The following SGCD variants were observed in gnomAD, a reference collection of about 807,000 sequenced individuals.
SGCD encodes delta-sarcoglycan.
In SGCD, 18 loss-of-function variants were observed where a neutral mutation model predicts 36.6. The observed-to-expected ratio is 0.49, with a 90% CI of 0.34 to 0.73. The LOEUF (loss-of-function observed/expected upper bound fraction) is 0.73. SGCD is among the 30% of genes least tolerant of loss of function. The pLI, the probability that SGCD is intolerant of heterozygous loss-of-function variation, is 0.01. For synonymous variants in SGCD, 133 were observed against 130.6 expected, an observed-to-expected ratio of 1.02 and a Z score of -0.12; for missense variants, 387 against 346.7, an observed-to-expected ratio of 1.12 and a Z score of -0.92.
intron 3 of SGCD, among the ~76,000 whole-genome samples, chr5:156,128,819 CCA>C (rs563177033): frequency 1.3e-5 from 2 of 152,092 alleles, no homozygotes; most frequent in Non-Finnish European, 2.9e-5. Context: ...TATAAATTAC[CCA>C]GTCTCAGGTA....
the SGCD span, among the ~76,000 whole-genome samples, chr5:155,731,962 T>G: frequency 6.6e-6 from 1 of 152,230 alleles, no homozygotes; most frequent in Non-Finnish European, 1.5e-5. Flanking sequence ...CTCTCTCTTA[T>G]GCTATTCTCT....
intron 3 of SGCD, among the ~76,000 whole-genome samples, chr5:156,234,543 A>G (rs1765107429): frequency 6.6e-6 from 1 of 152,210 alleles, no homozygotes; most frequent in South Asian, 2.1e-4. Flanking sequence ...AAGTGAAAAC[A>G]TGATTTTGTT....
At chr5:156,429,314 A>G (rs900121521) in intron 3 of SGCD, among the ~76,000 whole-genome samples, 1 of 119,684 alleles carries the variant, frequency 8.4e-6, no homozygotes, top group Non-Finnish European at 1.7e-5. Context: ...GTTTTGTCTG[A>G]TCTAAAAATA....
intron 3 of SGCD, among the ~76,000 whole-genome samples, chr5:156,494,935 G>A (rs924918623): frequency 3.3e-5 from 5 of 152,102 alleles, no homozygotes; most frequent in Middle Eastern, 3.2e-3. Flanking sequence ...CCAGTCTTAA[G>A]TATATCCTAC....
intron 1 of SGCD, among the ~76,000 whole-genome samples, chr5:156,003,461 G>C (rs908982291): frequency 6.6e-6 from 1 of 152,148 alleles, no homozygotes; most frequent in Non-Finnish European, 1.5e-5. Flanking sequence ...ATTTTCAAAT[G>C]CTTTCTCACT....
At chr5:155,902,684 T>A (rs939362153) in intron 1 of SGCD, among the ~76,000 whole-genome samples, 4 of 152,206 alleles carry the variant, frequency 2.6e-5, no homozygotes, top group African/African-American at 9.6e-5. Context: ...TTGTACCCAA[T>A]GGGACTATTA....
At chr5:156,239,987 G>A (rs922160858) in intron 3 of SGCD, among the ~76,000 whole-genome samples, 1 of 152,174 alleles carries the variant, frequency 6.6e-6, no homozygotes, top group African/African-American at 2.4e-5. Context: ...AAGGGTCAAA[G>A]TCCCAAATAG....
At chr5:156,690,436 T>C (rs157335) in intron 7 of SGCD, among the ~76,000 whole-genome samples, 130,841 of 152,172 alleles carry the variant, frequency 0.86, 56,321 homozygotes, top group Admixed American at 0.9. Flanking sequence ...CTCAAGGGAA[T>C]AGAAAGAGGT....
intron 1 of SGCD, among the ~76,000 whole-genome samples, chr5:155,985,613 A>T (rs1402208854): frequency 1.3e-5 from 2 of 152,166 alleles, no homozygotes; most frequent in African/African-American, 4.8e-5. Flanking sequence ...AATATGACTT[A>T]CGTTAAGGAA....
At chr5:156,605,185 T>C (rs1761379190) in intron 6 of SGCD, among the ~76,000 whole-genome samples, 1 of 152,192 alleles carries the variant, frequency 6.6e-6, no homozygotes, top group African/African-American at 2.4e-5. Flanking sequence ...TATCTCATAA[T>C]GCTATCCCTC....
chr5:156,245,426 C>G (rs1450288782), intron 3 of SGCD, among the ~76,000 whole-genome samples: 4 of 151,966 alleles, frequency 2.6e-5, no homozygotes, highest in Non-Finnish European at 5.9e-5. Flanking sequence ...GATAATAGAA[C>G]CAGGCAATAA....
intron 1 of SGCD, among the ~76,000 whole-genome samples, chr5:155,889,433 A>G (rs964347802): frequency 2.6e-5 from 4 of 152,156 alleles, no homozygotes; most frequent in Non-Finnish European, 5.9e-5. Flanking sequence ...TCATTCTTCA[A>G]AGAGGCAGAG....
At position 156,087,966 on chromosome 5, in the gene SGCD, G is replaced by C. The variant is rs553775190; in HGVS notation, c.-281-29912G>C. 8.5e-5 allele frequency among the ~76,000 whole-genome samples: 13 copies of C among 152,284 alleles called. No individual in the cohort carries two copies. The South Asian group carries it at 2.7e-3, about 32-fold the overall frequency. ...CAGTGTCCTGGCCATCCTGATGATA[G>C]CCAGGTTTATACCACAAAACCACTG... On this transcript the variant is annotated intron_variant, in intron 1 of 9. Transcript: ENST00000517913.
At chr5:156,740,396 A>C (rs1756610246) in intron 7 of SGCD, among the ~76,000 whole-genome samples, 1 of 152,248 alleles carries the variant, frequency 6.6e-6, no homozygotes, top group African/African-American at 2.4e-5. Flanking sequence ...GTCAATGAAG[A>C]AATTGTTTGA....
intron 1 of SGCD, among the ~76,000 whole-genome samples, chr5:155,946,673 T>C (rs1463559093): frequency 2.0e-5 from 3 of 152,198 alleles, no homozygotes; most frequent in African/African-American, 4.8e-5. Context: ...CAAAAGTTAC[T>C]GTTTATGTAA....
intron 3 of SGCD, among the ~76,000 whole-genome samples, chr5:156,367,693 C>A (rs1580882040): frequency 6.6e-6 from 1 of 152,204 alleles, no homozygotes; most frequent in Admixed American, 6.5e-5. Context: ...CATGTGGCAG[C>A]CCTGTGGAAT....
rs1223631164 is a variant in SGCD, at chr5:156,122,098, A to G, written c.-207-1758A>G. On this transcript the variant is annotated intron_variant, in intron 2 of 9. Coordinates refer to the SGCD transcript ENST00000517913. ...AAGACATTCATCTAGTCAGTATTCC[A>G]TAGTTGTCAAAAATACTGGAGATGG... is the stretch of plus-strand genomic sequence containing the variant. 2.6e-5 allele frequency among the ~76,000 whole-genome samples: 4 copies of G among 152,310 alleles called. No homozygotes were observed. The East Asian group carries it at 7.7e-4, about 29-fold the overall frequency.
At chr5:155,736,653 G>A in the SGCD span, among the ~76,000 whole-genome samples, 2 of 152,018 alleles carry the variant, frequency 1.3e-5, no homozygotes, top group Admixed American at 1.3e-4. Context: ...CTTTTAATGG[G>A]CATTGAGGAT....
At chr5:156,338,509 C>A (rs1185801669) in intron 2 of SGCD, among the ~76,000 whole-genome samples, 1 of 152,168 alleles carries the variant, frequency 6.6e-6, no homozygotes, top group East Asian at 1.9e-4. Context: ...GAAGGAAAGT[C>A]AGCATGGTAT....
Sources: gnomAD v4.1 joint callset for allele counts (sites outside exome capture counted in the v4.1 genomes callset) on GRCh38, gnomAD v4.1.1 for gene constraint, MANE v1.5 for transcripts, NCBI Gene and HGNC (gene_info 2026-07-23, HGNC 2026-07-21) for gene names.